GRIN2A: variants seen among roughly 807,000 people sequenced by gnomAD.
GRIN2A encodes glutamate ionotropic receptor NMDA type subunit 2A, also known as glutamate receptor ionotropic, NMDA 2A.
GRIN2A carries 22 observed loss-of-function variants against 113.4 expected under a neutral mutation model. The ratio of observed to expected loss-of-function variants is 0.19; its 90% CI spans 0.14 to 0.28. The LOEUF (loss-of-function observed/expected upper bound fraction) is 0.28, where lower values mean the gene tolerates loss of function less well. Ranked by LOEUF, GRIN2A falls within the 10% of genes least tolerant of loss-of-function variation. The probability of loss-of-function intolerance (pLI) is 1.00; values close to 1 mark genes in which losing one functional copy is unlikely to be tolerated. For missense variants in GRIN2A, 1,502 were observed against 1,887.0 expected, an observed-to-expected ratio of 0.80 and a Z score of 3.78; for synonymous variants, 827 against 738.4, an observed-to-expected ratio of 1.12 and a Z score of -1.94.
intron 2 of GRIN2A, among the ~76,000 whole-genome samples, chr16:10,087,121 T>C (rs2048100235): frequency 6.6e-6 from 1 of 152,216 alleles, no homozygotes; most frequent in African/African-American, 2.4e-5. Flanking sequence ...CATGCAAATC[T>C]TGAACCTCTC....
chr16:10,084,016 G>A (rs868084653), intron 2 of GRIN2A, among the ~76,000 whole-genome samples: 13 of 152,240 alleles, frequency 8.5e-5, no homozygotes, highest in African/African-American at 2.4e-4. Flanking sequence ...AAGGAGGGTC[G>A]CCTGGACCCA....
rs151103152 is a variant in GRIN2A, at chr16:9,768,331, C to T, written c.2595+520G>A. 2.6e-3 allele frequency among the ~76,000 whole-genome samples: 402 copies of T among 152,306 alleles called. 2 individuals are homozygous for T. Among genetic ancestry groups the T allele is most frequent in the African/African-American group, 9.3e-3 (386 of 41,560 alleles). On this transcript the variant is annotated intron_variant, in intron 12 of 12. Transcript: ENST00000330684. ...CCTCCCAAAGTGCTGGGATTATAGG[C>T]ATGAGCCACCGTGCCCGGCCAAAAA...
At chr16:9,848,397 AG>A (rs1468601612) in intron 5 of GRIN2A, among the ~76,000 whole-genome samples, 10 of 150,532 alleles carry the variant, frequency 6.6e-5, no homozygotes, top group Non-Finnish European at 1.5e-4. Flanking sequence ...TGTACTTTTA[AG>A]AAAGACAGGG....
intron 4 of GRIN2A, among the ~76,000 whole-genome samples, chr16:9,886,038 T>G (rs1184094461): frequency 1.3e-5 from 2 of 152,250 alleles, no homozygotes; most frequent in Admixed American, 6.5e-5. Context: ...AGTGGCCTCC[T>G]TGTGTACCAG....
At chr16:9,933,235 ACT>A (rs1166162024) in intron 3 of GRIN2A, among the ~76,000 whole-genome samples, 1 of 151,918 alleles carries the variant, frequency 6.6e-6, no homozygotes, top group Non-Finnish European at 1.5e-5. Flanking sequence ...TTTGCCTGAA[ACT>A]CTATGTACAG....
At chr16:10,000,261 A>G (rs2046296958) in intron 2 of GRIN2A, among the ~76,000 whole-genome samples, 2 of 152,186 alleles carry the variant, frequency 1.3e-5, no homozygotes, top group African/African-American at 4.8e-5. Flanking sequence ...GGGCATGGAC[A>G]CATTTGGTGA....
At chr16:10,082,067 T>C (rs1025301885) in intron 2 of GRIN2A, among the ~76,000 whole-genome samples, 3 of 152,220 alleles carry the variant, frequency 2.0e-5, no homozygotes, top group Non-Finnish European at 4.4e-5. Context: ...AAATCCCACC[T>C]GGACACAGTG....
intron 1 of GRIN2A, among the ~76,000 whole-genome samples, chr16:10,181,230 C>G (rs1480072454): frequency 6.7e-6 from 1 of 149,910 alleles, no homozygotes; most frequent in Non-Finnish European, 1.5e-5. Flanking sequence ...CATGTTCACA[C>G]ACACACACCC....
intron 11 of GRIN2A, among the ~76,000 whole-genome samples, chr16:9,777,262 T>A (rs952032704): frequency 1.3e-5 from 2 of 151,982 alleles, no homozygotes; most frequent in Non-Finnish European, 2.9e-5. Context: ...CCAATAAATC[T>A]GACAAATAAG....
At chr16:10,151,248 C>T (rs1415200884) in intron 2 of GRIN2A, among the ~76,000 whole-genome samples, 1 of 152,198 alleles carries the variant, frequency 6.6e-6, no homozygotes, top group Non-Finnish European at 1.5e-5. Flanking sequence ...CCTCAGAGTC[C>T]TGCCTAGTCC....
At chr16:9,958,722 A>G (rs147915390) in intron 2 of GRIN2A, among the ~76,000 whole-genome samples, 43 of 152,232 alleles carry the variant, frequency 2.8e-4, no homozygotes, top group Non-Finnish European at 5.6e-4. Context: ...GATTGCAAGC[A>G]GAGGGCAGAA....
chr16:9,939,152 G>A (rs2044793028), intron 2 of GRIN2A, among the ~76,000 whole-genome samples: 1 of 151,992 alleles, frequency 6.6e-6, no homozygotes, highest in Non-Finnish European at 1.5e-5. Flanking sequence ...AATATTTATC[G>A]AACACCTTAT....
chr16:9,837,112 T>C (rs573023573), intron 7 of GRIN2A, among the ~76,000 whole-genome samples: 8 of 152,304 alleles, frequency 5.3e-5, no homozygotes, highest in Non-Finnish European at 1.2e-4. Context: ...ATGTTTTGGC[T>C]CTTCCAGATG....
rs1157923053 is a variant in GRIN2A at position 9,987,920 on chromosome 16, C to T, written c.415-49369G>A. Among the ~76,000 whole-genome samples the T allele has an allele frequency of 7.2e-5, 11 of 152,164 alleles. No homozygotes were observed. The East Asian group carries it at 2.1e-3, about 29-fold the overall frequency. ...GGTTCTCTCTACCCAGGAGATAAAT[C>T]CAAAGACTGTACAGCTAATACTTGG... On this transcript the variant is annotated intron_variant, in intron 2 of 12. Coordinates refer to ENST00000330684, the MANE Select transcript of GRIN2A (RefSeq NM_001134407.3).
chr16:9,977,000 G>C (rs565330345), intron 2 of GRIN2A, among the ~76,000 whole-genome samples: 7 of 152,292 alleles, frequency 4.6e-5, no homozygotes, highest in South Asian at 2.1e-4. Context: ...AAATAATTTT[G>C]GTTCTGATTC....
intron 4 of GRIN2A, among the ~76,000 whole-genome samples, chr16:9,873,724 G>T (rs1201263007): frequency 6.6e-6 from 1 of 152,208 alleles, no homozygotes; most frequent in Non-Finnish European, 1.5e-5. Flanking sequence ...GCAGGTAAAT[G>T]TTTCTGCTTT....
At chr16:10,027,352 G>A (rs570002883) in intron 2 of GRIN2A, among the ~76,000 whole-genome samples, 5 of 152,240 alleles carry the variant, frequency 3.3e-5, no homozygotes, top group Admixed American at 6.5e-5. Context: ...AAGTATTAAC[G>A]TTAGAATATA....
intron 4 of GRIN2A, among the ~76,000 whole-genome samples, chr16:9,862,249 C>A (rs1421860436): frequency 1.3e-5 from 2 of 152,184 alleles, no homozygotes; most frequent in African/African-American, 4.8e-5. Context: ...GCTATTAGAG[C>A]CTTAATTAAA....
rs543672459 is a variant in GRIN2A at position 10,165,858 on chromosome 16, C to G, written c.414+14140G>C. The stretch of plus-strand genomic sequence containing the variant: ...AAGAGGAAAAACTAGTATCAATTAA[C>G]CAAGGCAAAACCAATAGCAAATTTG... On this transcript the variant is annotated intron_variant, in intron 2 of 12. Transcript: ENST00000330684. Among the ~76,000 whole-genome samples, 23 of 152,022 alleles carry G rather than the reference C, an allele frequency of 1.5e-4. No individual in the cohort carries two copies. In the East Asian group the frequency reaches 3.1e-3, roughly 20 times the overall value.
Sources: gnomAD v4.1 joint callset for allele counts (sites outside exome capture counted in the v4.1 genomes callset) on GRCh38, gnomAD v4.1.1 for gene constraint, MANE v1.5 for transcripts, NCBI Gene and HGNC (gene_info 2026-07-23, HGNC 2026-07-21) for gene names.